The following CIBAR1 variants were observed in gnomAD, a reference collection of about 807,000 sequenced individuals.
The protein encoded by CIBAR1 is CBY1 interacting BAR domain containing 1.
CIBAR1 carries 25 observed loss-of-function variants against 44.0 expected under a neutral mutation model. The observed-to-expected ratio is 0.57, with a 90% confidence interval of 0.41 to 0.79. The LOEUF (loss-of-function observed/expected upper bound fraction) is 0.79. Ranked by LOEUF, CIBAR1 falls within the 30% of genes least tolerant of loss-of-function variation. The probability of loss-of-function intolerance (pLI) is 0.00; values close to 1 mark genes in which losing one functional copy is unlikely to be tolerated. For missense variants in CIBAR1, 278 were observed against 344.8 expected (o/e 0.81, Z 1.53); for synonymous variants, 115 against 119.0 (o/e 0.97, Z 0.22).
At chr8:93,719,962 C>T (rs994715575) in intron 7 of CIBAR1, 3 of 150,788 alleles carry the variant, frequency 2.0e-5, no homozygotes, top group African/African-American at 4.9e-5. Context: ...AAGATTCCCC[C>T]GATTTTTTTT....
intron 2 of CIBAR1, among the ~76,000 whole-genome samples, chr8:93,703,010 A>C (rs1439348889): frequency 1.3e-4 from 20 of 152,194 alleles, no homozygotes; most frequent in Non-Finnish European, 2.9e-5. Context: ...ATGTGATTTA[A>C]AAACCTGTAA....
At chr8:93,716,360 T>C (rs1333345072) in intron 6 of CIBAR1, among the ~76,000 whole-genome samples, 2 of 151,976 alleles carry the variant, frequency 1.3e-5, no homozygotes, top group Non-Finnish European at 2.9e-5. Context: ...TGTTGTTTTT[T>C]TTTTTTAATA....
At chr8:93,700,789 T>C in intron 1 of CIBAR1, 116 bp downstream of exon 1, 1 of 1,361,368 alleles carries the variant, frequency 7.3e-7, no homozygotes, top group Non-Finnish European at 9.5e-7. Flanking sequence ...AGTGGGAGGC[T>C]GCACGGTCCC....
At chr8:93,709,733 A>AT (rs777888229) in intron 5 of CIBAR1, 38 bp from the exon 6 acceptor site, 45 of 1,561,458 alleles carry the variant, frequency 2.9e-5, no homozygotes, top group South Asian at 6.9e-5. Flanking sequence ...TTCTCATTTG[A>AT]TTTTTTTTAT....
intron 7 of CIBAR1, among the ~76,000 whole-genome samples, chr8:93,723,386 A>T (rs897584458): frequency 6.6e-6 from 1 of 152,202 alleles, no homozygotes; most frequent in East Asian, 1.9e-4. Flanking sequence ...CTGTTAACCT[A>T]ATTAGCACCC....
chr8:93,716,730 T>G (rs1027365892), intron 6 of CIBAR1, among the ~76,000 whole-genome samples: 1 of 152,154 alleles, frequency 6.6e-6, no homozygotes, highest in African/African-American at 2.4e-5. Context: ...ATCCCCTAGG[T>G]TATATAAATA....
rs767001860 is a variant in CIBAR1 at position 93,708,958 on chromosome 8, A to G, written c.439-813A>G. On this transcript the variant is annotated intron_variant, in intron 5 of 8. Coordinates refer to ENST00000518322, the MANE Select transcript of CIBAR1 (RefSeq NM_145269.5). The stretch of plus-strand genomic sequence containing the variant: ...AAGATGATTTCATGTAATCCATACA[A>G]TAGTCCTATGAGATAAGCATAAAGA... Among the ~76,000 whole-genome samples, 6 of 152,294 alleles carry G rather than the reference A, an allele frequency of 3.9e-5. No homozygotes were observed. In the South Asian group the frequency reaches 8.3e-4, roughly 21 times the overall value.
intron 6 of CIBAR1, among the ~76,000 whole-genome samples, chr8:93,710,234 T>A (rs12056877): frequency 5.3e-5 from 8 of 151,518 alleles, no homozygotes; most frequent in Non-Finnish European, 1.2e-4. Context: ...GCCATGACCG[T>A]GCCACTGCAC....
intron 1 of CIBAR1, chr8:93,701,017 G>C: frequency 7.0e-7 from 1 of 1,427,726 alleles, no homozygotes. Flanking sequence ...GGCCCACCCG[G>C]CCTGGGCCTT....
chr8:93,726,054 G>T (rs752811356), intron 7 of CIBAR1: 21 of 196,714 alleles, frequency 1.1e-4, no homozygotes, highest in Middle Eastern at 2.1e-3. Flanking sequence ...TTGCAGAACA[G>T]AAAGATTCAA....
intron 8 of CIBAR1, chr8:93,727,277 T>A: frequency 2.0e-6 from 2 of 1,023,740 alleles, no homozygotes; most frequent in South Asian, 2.8e-5. Context: ...TATTTTCATT[T>A]GATTCTCCTG....
intron 5 of CIBAR1, 47 bp downstream of exon 5, chr8:93,708,063 C>T (rs376246158): frequency 5.6e-6 from 8 of 1,423,850 alleles, no homozygotes; most frequent in Non-Finnish European, 7.6e-6. Context: ...TATAGTAAAC[C>T]CTTTTACTTG....
At position 93,707,470 on chromosome 8, in the gene CIBAR1, A is replaced by G. The variant is rs547381910; in HGVS notation, c.433-541A>G. On this transcript the variant is annotated intron_variant, in intron 4 of 8. Transcript: ENST00000518322. ...GAAAATATCAATAAATGAGGAGGGT[A>G]AAGACATGAGTCAAAAGGAAGTAGT... Among the ~76,000 whole-genome samples, 3 of 152,370 alleles carry G rather than the reference A, an allele frequency of 2.0e-5. No homozygotes were observed. In the East Asian group the frequency reaches 5.8e-4, roughly 29 times the overall value.
Position 93,718,161 on chromosome 8 carries a change from A to G in CIBAR1, c.544-514A>G, listed in dbSNP as rs117322623. ...AAACTAGAACGCTCTATGCAAATAT[A>G]TGGTGTTATCATCAGTGGCAGGAGT... On this transcript the variant is annotated intron_variant, in intron 6 of 8. Coordinates refer to ENST00000518322, the MANE Select transcript of CIBAR1 (RefSeq NM_145269.5). Among the ~76,000 whole-genome samples the G allele has an allele frequency of 2.6e-4, 40 of 152,342 alleles. No individual in the cohort carries two copies. The East Asian group carries it at 6.6e-3, about 25-fold the overall frequency.
At chr8:93,704,431 C>T (rs959033003) in intron 3 of CIBAR1, among the ~76,000 whole-genome samples, 2 of 152,172 alleles carry the variant, frequency 1.3e-5, no homozygotes, top group Non-Finnish European at 2.9e-5. Context: ...GGTTTGCACT[C>T]CTATGAGAAT....
rs560440392 is a variant in CIBAR1 at position 93,705,068 on chromosome 8, A to G, written c.432+58A>G. 58 of 1,091,698 alleles carry G rather than the reference A, an allele frequency of 5.3e-5. No homozygotes were observed. The African/African-American group carries it at 7.3e-4, about 14-fold the overall frequency. 67.6% of individuals were successfully genotyped at this position (1,091,698 alleles called of 1,614,324 possible). On this transcript the variant is annotated intron_variant, in intron 4 of 8. Transcript: ENST00000518322. ...TTTAAGGTATGGAGTACAAAAGTAAATGTATATAGAAATTGTGCATTTTTA... is the reference window on the plus strand; with the variant it reads ...TTTAAGGTATGGAGTACAAAAGTAAGTGTATATAGAAATTGTGCATTTTTA...
At chr8:93,700,919 C>T (rs982699281) in intron 1 of CIBAR1, 16 of 1,345,848 alleles carry the variant, frequency 1.2e-5, no homozygotes, top group Non-Finnish European at 1.4e-5. Flanking sequence ...CACACTGCCG[C>T]GGGCAGTGCG....
At chr8:93,723,188 G>A (rs1811335365) in intron 7 of CIBAR1, among the ~76,000 whole-genome samples, 1 of 152,114 alleles carries the variant, frequency 6.6e-6, no homozygotes, top group Non-Finnish European at 1.5e-5. Context: ...AGTAGAGATG[G>A]GGTTTCACCA....
Position 93,705,020 on chromosome 8 carries a change from G to T in CIBAR1, c.432+10G>T. 1 of 1,595,482 alleles carries T rather than the reference G, an allele frequency of 6.3e-7. No individual in the cohort carries two copies. The highest frequency in any genetic ancestry group is 8.6e-7 in the Non-Finnish European group (1 of 1,164,428). On this transcript the variant is annotated intron_variant, in intron 4 of 8. Coordinates refer to ENST00000518322, the MANE Select transcript of CIBAR1 (RefSeq NM_145269.5). Reference sequence around the variant, plus strand: ...TGATCGACATGTTATTGTATCCTTTGAATTTGGGTCTTTAAAAAAATGTTT... The same window carrying T: ...TGATCGACATGTTATTGTATCCTTTTAATTTGGGTCTTTAAAAAAATGTTT...
Sources: allele counts gnomAD v4.1 joint callset (sites outside exome capture counted in the v4.1 genomes callset), GRCh38; gene constraint gnomAD v4.1.1; transcripts MANE v1.5; gene names NCBI Gene and HGNC (gene_info 2026-07-23, HGNC 2026-07-21).